Variants in SCFD2 observed in about 807,000 individuals in gnomAD.
The protein encoded by SCFD2 is sec1 family domain containing 2.
In SCFD2, 54 loss-of-function variants were observed where a neutral mutation model predicts 58.9. That is an observed-to-expected ratio of 0.92 (90% CI 0.74 to 1.15). The LOEUF (loss-of-function observed/expected upper bound fraction) is 1.15. Among genes scored for constraint, SCFD2 ranks in the 50% most tolerant of loss-of-function variants. SCFD2 has a pLI of 0.00. For synonymous variants in SCFD2, 321 were observed against 335.9 expected (o/e 0.96, Z 0.49); for missense variants, 805 against 836.6 (o/e 0.96, Z 0.47).
intron 5 of SCFD2, among the ~76,000 whole-genome samples, chr4:52,960,946 G>T (rs1276339529): frequency 6.6e-6 from 1 of 152,152 alleles, no homozygotes; most frequent in Non-Finnish European, 1.5e-5. Context: ...AGGAGTTCAT[G>T]GTCATTGTGA....
At chr4:53,038,622 G>A (rs1444976771) in intron 5 of SCFD2, among the ~76,000 whole-genome samples, 3 of 151,862 alleles carry the variant, frequency 2.0e-5, no homozygotes, top group South Asian at 2.1e-4. Context: ...AGTATAAAAC[G>A]ATAGGGAGAA....
At chr4:53,241,244 G>A (rs1577884626) in intron 4 of SCFD2, among the ~76,000 whole-genome samples, 1 of 152,212 alleles carries the variant, frequency 6.6e-6, no homozygotes, top group Non-Finnish European at 1.5e-5. Context: ...TCCAGCCACT[G>A]CAAAGCCCAG....
intron 5 of SCFD2, among the ~76,000 whole-genome samples, chr4:53,027,628 G>C (rs1361660923): frequency 1.3e-5 from 2 of 152,136 alleles, no homozygotes; most frequent in East Asian, 3.9e-4. Context: ...AGGAGTTCGA[G>C]ACCAGCCTGG....
chr4:53,256,448 CAG>C (rs923467425), intron 4 of SCFD2, among the ~76,000 whole-genome samples: 1 of 151,824 alleles, frequency 6.6e-6, no homozygotes, highest in African/African-American at 2.4e-5. Context: ...GGCGACCAGG[CAG>C]AGACGCTCCT....
In SCFD2 at chr4:53,237,392, C is replaced by A. The variant is rs1231119144; in HGVS notation, c.1311+36434G>T. Among the ~76,000 whole-genome samples the A allele has an allele frequency of 1.5e-4, 23 of 150,684 alleles. 2 individuals carry two copies. Among genetic ancestry groups the A allele is most frequent in the African/African-American group, 4.9e-4 (20 of 40,454 alleles). ...ACGGGGTGGTGGCCGGGCAGACGGG[C>A]TCCTCACTTCCCAGTAGGGGGCGGC... On this transcript the variant is annotated intron_variant, in intron 4 of 8. Coordinates refer to ENST00000401642, the MANE Select transcript of SCFD2 (RefSeq NM_152540.4).
chr4:53,043,369 T>C (rs1722946494), intron 5 of SCFD2, among the ~76,000 whole-genome samples: 1 of 152,102 alleles, frequency 6.6e-6, no homozygotes, highest in African/African-American at 2.4e-5. Context: ...AACTAACAAA[T>C]GTAAATAAAT....
At chr4:52,993,235 T>G (rs1721664144) in intron 5 of SCFD2, among the ~76,000 whole-genome samples, 1 of 151,178 alleles carries the variant, frequency 6.6e-6, no homozygotes, top group African/African-American at 2.4e-5. Context: ...TAATCTCAAG[T>G]ACCCAGGGAC....
intron 4 of SCFD2, among the ~76,000 whole-genome samples, chr4:53,248,120 G>T (rs1730175676): frequency 1.3e-5 from 2 of 152,354 alleles, no homozygotes; most frequent in African/African-American, 4.8e-5. Flanking sequence ...GGAAGCACAA[G>T]GGATCAGGGA....
intron 4 of SCFD2, among the ~76,000 whole-genome samples, chr4:53,210,032 G>A (rs1728560052): frequency 6.6e-6 from 1 of 152,042 alleles, no homozygotes; most frequent in Admixed American, 6.6e-5. Flanking sequence ...TATCACCATG[G>A]ATAAGAAGAC....
rs369811943 is a variant in SCFD2, at chr4:53,278,011, C to T, written c.1136-4010G>A. On this transcript the variant is annotated intron_variant, in intron 3 of 8. Transcript: ENST00000401642. Reference sequence around the variant, plus strand: ...GAGCTTGCAGTAAGCGGAGATCCGGCCACTGCACTCTAGCCCAGGGACAGA... The same window carrying T: ...GAGCTTGCAGTAAGCGGAGATCCGGTCACTGCACTCTAGCCCAGGGACAGA... 2.5e-4 allele frequency among the ~76,000 whole-genome samples: 38 copies of T among 150,776 alleles called. 1 individual carries two copies. In the South Asian group the frequency reaches 3.2e-3, roughly 13 times the overall value.
chr4:53,025,052 C>G (rs1442800835), intron 5 of SCFD2, among the ~76,000 whole-genome samples: 1 of 152,102 alleles, frequency 6.6e-6, no homozygotes, highest in African/African-American at 2.4e-5. Context: ...TCTCCACGGC[C>G]CCTCTGTGTG....
intron 5 of SCFD2, among the ~76,000 whole-genome samples, chr4:53,015,594 C>T (rs560666099): frequency 6.6e-5 from 10 of 152,224 alleles, no homozygotes; most frequent in African/African-American, 2.4e-4. Flanking sequence ...TCTTCCATCA[C>T]TATTAGAAAA....
intron 3 of SCFD2, among the ~76,000 whole-genome samples, chr4:53,293,936 T>TA (rs1339433679): frequency 6.6e-6 from 1 of 151,084 alleles, no homozygotes; most frequent in Non-Finnish European, 1.5e-5. Flanking sequence ...TGTGTCCATG[T>TA]ATTTTAATTG....
intron 4 of SCFD2, among the ~76,000 whole-genome samples, chr4:53,224,294 T>C (rs1231625671): frequency 3.3e-5 from 5 of 149,472 alleles, no homozygotes; most frequent in Non-Finnish European, 3.0e-5. Context: ...GAGGCTAAGG[T>C]AGGAGGATCG....
chr4:53,135,390 C>T (rs1345917475), intron 5 of SCFD2, among the ~76,000 whole-genome samples: 37 of 152,136 alleles, frequency 2.4e-4, no homozygotes, highest in Non-Finnish European at 1.2e-4. Flanking sequence ...AATCCAGATT[C>T]CTGGTTTCTT....
intron 5 of SCFD2, among the ~76,000 whole-genome samples, chr4:52,925,988 T>C (rs1719854088): frequency 6.6e-6 from 1 of 152,112 alleles, no homozygotes; most frequent in Admixed American, 6.5e-5. Context: ...CCCCTCACTC[T>C]TCTCCATTTA....
At position 53,032,037 on chromosome 4, in the gene SCFD2, C is replaced by G. The variant is rs563010439; in HGVS notation, c.1562-111167G>C. On this transcript the variant is annotated intron_variant, in intron 5 of 8. Transcript: ENST00000401642. ...GGAAAAAATGTTAAGGGCAGCCAGGCAGAAAGGTCGGGTTACCCACAAAGG... is the reference window on the plus strand; with the variant it reads ...GGAAAAAATGTTAAGGGCAGCCAGGGAGAAAGGTCGGGTTACCCACAAAGG... Among the ~76,000 whole-genome samples the G allele has an allele frequency of 7.2e-5, 11 of 152,180 alleles. No homozygotes were observed. The South Asian group carries it at 1.2e-3, about 17-fold the overall frequency.
In SCFD2 at chr4:53,365,943, G is replaced by T. The variant is rs1351514; in HGVS notation, c.-2C>A. ...GGACAGTACGCCCGAGGCGCTCATG[G>T]TTGGGGATTCGCAGACTTGGGAAAC... On this transcript the variant is annotated 5_prime_UTR_variant, in exon 1 of 9. Coordinates refer to ENST00000401642, the MANE Select transcript of SCFD2 (RefSeq NM_152540.4). The surrounding 1 kb of genome is among the most constrained non-coding windows in gnomAD (Gnocchi z 4.3). The T allele has an allele frequency of 3.3e-6, 5 of 1,519,590 alleles. No homozygotes were observed. The highest frequency in any genetic ancestry group is 4.4e-6 in the Non-Finnish European group (5 of 1,139,730). 94.1% of individuals were successfully genotyped at this position (1,519,590 alleles called of 1,614,324 possible).
chr4:52,920,889 A>T lies in SCFD2; in HGVS notation c.1562-19T>A. On this transcript the variant is annotated intron_variant, in intron 5 of 8. Transcript: ENST00000401642. ...TCCCAGTCTGAAAAAATCCAGAGAT[A>T]TTTTCTTGAGTGAGTAAATCTTTAA... 1 of 1,574,988 alleles carries T rather than the reference A, an allele frequency of 6.3e-7. No homozygotes were observed. The highest frequency in any genetic ancestry group is 8.6e-7 in the Non-Finnish European group (1 of 1,156,084).
Sources: gnomAD v4.1 joint callset for allele counts (sites outside exome capture counted in the v4.1 genomes callset) on GRCh38, gnomAD v4.1.1 for gene constraint, Gnocchi (gnomAD v3.1) non-coding constraint, MANE v1.5 for transcripts, NCBI Gene and HGNC (gene_info 2026-07-23, HGNC 2026-07-21) for gene names.